MMRN1: variants seen among roughly 807,000 people sequenced by gnomAD.
The protein encoded by MMRN1 is multimerin 1.
A neutral mutation model predicts 100.7 loss-of-function variants in MMRN1; 94 were observed. The observed-to-expected ratio is 0.93, with a 90% CI of 0.79 to 1.11. The LOEUF is 1.11. Among genes scored for constraint, MMRN1 ranks in the 50% least tolerant of loss-of-function variants. MMRN1 has a pLI of 0.00. For missense variants in MMRN1, 1,606 were observed against 1,439.1 expected, an observed-to-expected ratio of 1.12 and a Z score of -1.88; for synonymous variants, 575 against 505.0, an observed-to-expected ratio of 1.14 and a Z score of -1.86.
At chr4:89,895,983 G>A (rs1243946384) in intron 1 of MMRN1, among the ~76,000 whole-genome samples, 1 of 152,132 alleles carries the variant, frequency 6.6e-6, no homozygotes, top group Non-Finnish European at 1.5e-5. Context: ...ATTGGGGCTT[G>A]AACAGATGTG....
intron 6 of MMRN1, among the ~76,000 whole-genome samples, chr4:89,950,226 A>G (rs1052133823): frequency 6.6e-6 from 1 of 152,214 alleles, no homozygotes; most frequent in Non-Finnish European, 1.5e-5. Context: ...GTTACAATTT[A>G]TTTAACAAGT....
chr4:89,925,930 A>G (rs1722244292), intron 4 of MMRN1, among the ~76,000 whole-genome samples: 1 of 152,188 alleles, frequency 6.6e-6, no homozygotes, highest in Non-Finnish European at 1.5e-5. Context: ...CCTTAGCATA[A>G]CGATCTCCAG....
intron 3 of MMRN1, among the ~76,000 whole-genome samples, chr4:89,921,183 A>G (rs1376443658): frequency 6.6e-6 from 1 of 152,104 alleles, no homozygotes; most frequent in Non-Finnish European, 1.5e-5. Flanking sequence ...TGATCTAGCC[A>G]AAAAGGTAAG....
At chr4:89,910,850 T>C (rs7691487) in intron 2 of MMRN1, among the ~76,000 whole-genome samples, 91,343 of 151,100 alleles carry the variant, frequency 0.6, 28,071 homozygotes, top group East Asian at 0.77. Flanking sequence ...AACGTAAGTC[T>C]CTAAAGGCCG....
chr4:89,909,937 G>A (rs779891820), intron 2 of MMRN1, among the ~76,000 whole-genome samples: 2 of 151,388 alleles, frequency 1.3e-5, no homozygotes, highest in African/African-American at 2.4e-5. Context: ...AGTCTATGCT[G>A]TTGTCCTAAA....
At chr4:89,951,244 GA>G (rs1385915045) in intron 6 of MMRN1, among the ~76,000 whole-genome samples, 2 of 152,080 alleles carry the variant, frequency 1.3e-5, no homozygotes, top group Non-Finnish European at 2.9e-5. Flanking sequence ...GTATCGAACA[GA>G]TATTTTTCTT....
upstream of MMRN1, among the ~76,000 whole-genome samples, chr4:89,892,862 A>C (rs1183197556): frequency 2.6e-5 from 4 of 152,058 alleles, no homozygotes; most frequent in African/African-American, 9.7e-5. Context: ...CAGTCTTTCA[A>C]ACTGTAGAAG....
chr4:89,935,968 A>G lies in MMRN1; in HGVS notation c.2288A>G (p.His763Arg). 6.2e-7 allele frequency: 1 copy of G among 1,612,556 alleles called. No homozygotes were observed. The highest frequency in any genetic ancestry group is 8.5e-7 in the Non-Finnish European group (1 of 1,178,944). ...STIKDNSEIH[H>R]KCTSDMETIL... ...ATTAAGGATAATAGTGAGATCCATCATAAATGTACCTCCGATATGGAAACT... is the reference window on the plus strand; with the variant it reads ...ATTAAGGATAATAGTGAGATCCATCGTAAATGTACCTCCGATATGGAAACT... The change falls in exon 6 of 8, where the codon CAT (histidine) becomes CGT (arginine). Residue 763 changes from histidine (H) to arginine (R), a missense_variant. His to Arg is a conservative substitution (Grantham distance 29). Transcript: ENST00000264790.
chr4:89,950,415 C>G (rs1416486960), intron 6 of MMRN1, among the ~76,000 whole-genome samples: 1 of 152,128 alleles, frequency 6.6e-6, no homozygotes, highest in African/African-American at 2.4e-5. Flanking sequence ...AATATCGTCA[C>G]ATTGTCCTAT....
chr4:89,927,052 G>A (rs1722284889), intron 4 of MMRN1, among the ~76,000 whole-genome samples: 1 of 152,012 alleles, frequency 6.6e-6, no homozygotes, highest in Non-Finnish European at 1.5e-5. Flanking sequence ...TTGAAGTCAG[G>A]TAGTATGATT....
chr4:89,908,034 T>A (rs1490629705), intron 1 of MMRN1, among the ~76,000 whole-genome samples: 1 of 151,308 alleles, frequency 6.6e-6, no homozygotes, highest in Admixed American at 6.6e-5. Flanking sequence ...AAAATGATAT[T>A]TCTGTCTGGC....
At chr4:89,892,888 T>G (rs1401801744), upstream of MMRN1, among the ~76,000 whole-genome samples, 1 of 152,030 alleles carries the variant, frequency 6.6e-6, no homozygotes, top group Non-Finnish European at 1.5e-5. Context: ...AAAAAATCAG[T>G]GAATGTCATT....
At chr4:89,925,417 G>A (rs1177828568) in intron 4 of MMRN1, among the ~76,000 whole-genome samples, 2 of 145,778 alleles carry the variant, frequency 1.4e-5, no homozygotes, top group Non-Finnish European at 3.0e-5. Flanking sequence ...CAAAGTGCTG[G>A]GACTACAGCC....
At chr4:89,908,254 C>T (rs1578474129) in intron 1 of MMRN1, among the ~76,000 whole-genome samples, 1 of 151,348 alleles carries the variant, frequency 6.6e-6, no homozygotes, top group South Asian at 2.1e-4. Context: ...GTCTACTGCC[C>T]AACATCTGAA....
intron 1 of MMRN1, among the ~76,000 whole-genome samples, chr4:89,907,699 C>T (rs182368027): frequency 2.6e-4 from 39 of 151,368 alleles, no homozygotes; most frequent in African/African-American, 9.4e-4. Context: ...TCTAAAGTGT[C>T]CAAATTTCTG....
rs1225255451 is a variant in MMRN1, at chr4:89,916,565, T to C, written c.850+4515T>C. Among the ~76,000 whole-genome samples the C allele has an allele frequency of 2.0e-5, 3 of 151,816 alleles. No homozygotes were observed. In the East Asian group the frequency reaches 5.8e-4, roughly 29 times the overall value. The stretch of plus-strand genomic sequence containing the variant: ...AAAAAGCTTAATTTTTCTCATTTTA[T>C]ATATATTATTTTCATATACTGAGGA... On this transcript the variant is annotated intron_variant, in intron 3 of 7. Transcript: ENST00000264790.
At chr4:89,880,893 T>C (rs1011112847) in intron 1 of MMRN1, among the ~76,000 whole-genome samples, 7 of 152,134 alleles carry the variant, frequency 4.6e-5, no homozygotes, top group Non-Finnish European at 4.4e-5. Flanking sequence ...TATTTCTTTC[T>C]ACACTGCACT....
At chr4:89,937,193 A>G (rs941846332) in intron 6 of MMRN1, among the ~76,000 whole-genome samples, 6 of 152,122 alleles carry the variant, frequency 3.9e-5, no homozygotes, top group African/African-American at 1.4e-4. Flanking sequence ...GGAACTCAGT[A>G]AATACCTGTT....
At chr4:89,908,602 G>A (rs1205656578) in intron 1 of MMRN1, among the ~76,000 whole-genome samples, 3 of 151,050 alleles carry the variant, frequency 2.0e-5, no homozygotes, top group African/African-American at 7.3e-5. Context: ...TTATTCTTAG[G>A]TACATTATTC....
Sources: allele counts gnomAD v4.1 joint callset (sites outside exome capture counted in the v4.1 genomes callset), GRCh38; gene constraint gnomAD v4.1.1; transcripts MANE v1.5; gene names NCBI Gene and HGNC (gene_info 2026-07-23, HGNC 2026-07-21).